EBF1: variants seen among roughly 807,000 people sequenced by gnomAD.
EBF1 encodes the protein transcription factor COE1.
A neutral mutation model predicts 68.4 loss-of-function variants in EBF1; 10 were observed. The ratio of observed to expected loss-of-function variants is 0.15; its 90% CI spans 0.09 to 0.25. EBF1 has a LOEUF of 0.25. Ranked by LOEUF, EBF1 falls within the 10% of genes least tolerant of loss-of-function variation. EBF1 has a pLI of 1.00. For synonymous variants in EBF1, 298 were observed against 299.8 expected (o/e 0.99, Z 0.06); for missense variants, 509 against 794.4 (o/e 0.64, Z 4.32).
intron 11 of EBF1, among the ~76,000 whole-genome samples, chr5:158,723,289 TTAAAA>T (rs1237528370): frequency 6.6e-6 from 1 of 152,174 alleles, no homozygotes; most frequent in Non-Finnish European, 1.5e-5. Flanking sequence ...GCTTTTTTTC[TTAAAA>T]TCTCTTAATT....
At position 159,099,702 on chromosome 5, in the gene EBF1, G is replaced by C; in HGVS notation, c.-224C>G. On this transcript the variant is annotated 5_prime_UTR_variant, in exon 1 of 16. Transcript: ENST00000313708. The stretch of plus-strand genomic sequence containing the variant: ...AAACTGAGCGATAACCCGAAAAAAA[G>C]AAGAAAGGGAAAATCCAACGAAAAG... The C allele has an allele frequency of 3.0e-6, 1 of 336,552 alleles. No homozygotes were observed. Among genetic ancestry groups the C allele is most frequent in the Non-Finnish European group, 5.0e-6 (1 of 201,962 alleles). The allele number at this position is 336,552 out of a possible 1,614,324, so 20.8% of individuals were successfully genotyped here.
At chr5:158,896,824 T>G (rs1045808822) in intron 6 of EBF1, among the ~76,000 whole-genome samples, 2 of 152,178 alleles carry the variant, frequency 1.3e-5, no homozygotes, top group Non-Finnish European at 1.5e-5. Flanking sequence ...CTTTTGATAT[T>G]TCATTTCTCT....
rs1756142881 is a variant in EBF1, at chr5:158,698,678, T to TC, written c.*432_*433insG. On this transcript the variant is annotated 3_prime_UTR_variant, in exon 16 of 16. Coordinates refer to ENST00000313708, the MANE Select transcript of EBF1 (RefSeq NM_024007.5). ...TCCTTTTTTTCTTTTTTTTTTTTTT[T>TC]ACTTTTTTGTAAATATCACCACTTC... The TC allele has an allele frequency of 9.8e-6, 2 of 204,682 alleles. No homozygotes were observed. Among genetic ancestry groups the TC allele is most frequent in the East Asian group, 1.5e-4 (2 of 13,646 alleles). 12.7% of individuals were successfully genotyped at this position (204,682 alleles called of 1,614,324 possible). A position where few individuals can be genotyped will look rare whatever the true frequency, so the allele number is the denominator to read the frequency against.
At chr5:158,931,504 T>C (rs1339718309) in intron 6 of EBF1, among the ~76,000 whole-genome samples, 2 of 152,214 alleles carry the variant, frequency 1.3e-5, no homozygotes, top group Non-Finnish European at 2.9e-5. Flanking sequence ...TCAAAATTTT[T>C]AGTCAGTTCC....
chr5:158,978,134 A>T (rs999797969), intron 6 of EBF1, among the ~76,000 whole-genome samples: 24 of 152,216 alleles, frequency 1.6e-4, no homozygotes, highest in African/African-American at 5.1e-4. Flanking sequence ...AAAATTTTTG[A>T]TGCTTCTCAC....
At chr5:158,839,779 G>A (rs1789746358) in intron 7 of EBF1, among the ~76,000 whole-genome samples, 1 of 152,154 alleles carries the variant, frequency 6.6e-6, no homozygotes, top group African/African-American at 2.4e-5. Context: ...GTTTAGGCAA[G>A]TGAGTCCACT....
chr5:158,925,725 A>G (rs1809554192), intron 6 of EBF1, among the ~76,000 whole-genome samples: 1 of 152,206 alleles, frequency 6.6e-6, no homozygotes. Context: ...TAAACAGGAA[A>G]ACAAACAAAT....
At chr5:159,034,480 A>G (rs914273747) in intron 6 of EBF1, among the ~76,000 whole-genome samples, 5 of 152,182 alleles carry the variant, frequency 3.3e-5, no homozygotes, top group Non-Finnish European at 5.9e-5. Flanking sequence ...AGCGCCTCTC[A>G]ATTCCTCTCT....
At chr5:158,785,958 T>G (rs973565803) in intron 9 of EBF1, among the ~76,000 whole-genome samples, 9 of 152,214 alleles carry the variant, frequency 5.9e-5, no homozygotes, top group Non-Finnish European at 1.2e-4. Flanking sequence ...GTTTTTGCTA[T>G]GTTTCCAGTG....
intron 6 of EBF1, among the ~76,000 whole-genome samples, chr5:158,953,450 G>T (rs1036792532): frequency 1.3e-5 from 2 of 152,186 alleles, no homozygotes; most frequent in Admixed American, 1.3e-4. Context: ...GTCCAGTCCG[G>T]AGAGTTTGGG....
At chr5:158,875,280 GACAA>G (rs1797630013) in intron 6 of EBF1, among the ~76,000 whole-genome samples, 1 of 152,144 alleles carries the variant, frequency 6.6e-6, no homozygotes, top group Non-Finnish European at 1.5e-5. Context: ...GAGGAAGAAG[GACAA>G]ACAATTTTTA....
At chr5:158,989,711 A>G (rs1759875327) in intron 6 of EBF1, among the ~76,000 whole-genome samples, 1 of 152,174 alleles carries the variant, frequency 6.6e-6, no homozygotes, top group East Asian at 1.9e-4. Context: ...CAAGTCTGTA[A>G]GAGGTCAAGT....
rs536567764 is a variant in EBF1 at position 158,699,881 on chromosome 5, G to A, written c.1745-739C>T. On this transcript the variant is annotated intron_variant, in intron 15 of 15. Coordinates refer to ENST00000313708, the MANE Select transcript of EBF1 (RefSeq NM_024007.5). ...CCTGGGAAAAAAGAAGCCTGTTTGA[G>A]GTAACCAAAAATTGTTGAAAGCATT... 4.6e-5 allele frequency among the ~76,000 whole-genome samples: 7 copies of A among 152,328 alleles called. No individual in the cohort carries two copies. The South Asian group carries it at 1.5e-3, about 32-fold the overall frequency.
At chr5:159,095,532 A>G in intron 4 of EBF1, 88 bp downstream of exon 4, 1 of 1,489,752 alleles carries the variant, frequency 6.7e-7, no homozygotes. Context: ...TTAGAGTCCC[A>G]GCCCACCTGC....
At chr5:158,969,102 G>C (rs956630011) in intron 6 of EBF1, among the ~76,000 whole-genome samples, 30 of 152,096 alleles carry the variant, frequency 2.0e-4, no homozygotes, top group African/African-American at 7.2e-4. Context: ...AGGAGTTCGA[G>C]ACCAGCCTGG....
intron 6 of EBF1, among the ~76,000 whole-genome samples, chr5:159,032,326 C>G (rs1769091759): frequency 6.6e-6 from 1 of 152,138 alleles, no homozygotes; most frequent in Non-Finnish European, 1.5e-5. Flanking sequence ...AAGTGGTAGC[C>G]AGGATTCAAA....
At chr5:158,981,056 C>A (rs763326496) in intron 6 of EBF1, among the ~76,000 whole-genome samples, 3 of 151,748 alleles carry the variant, frequency 2.0e-5, no homozygotes, top group Non-Finnish European at 4.4e-5. Context: ...TAAGAGGAAC[C>A]AGCAAAGAAT....
At chr5:158,926,758 A>G (rs994263749) in intron 6 of EBF1, among the ~76,000 whole-genome samples, 4 of 152,014 alleles carry the variant, frequency 2.6e-5, no homozygotes, top group Non-Finnish European at 5.9e-5. Flanking sequence ...AAAAAAGAAA[A>G]AGAAAGAAAG....
intron 10 of EBF1, among the ~76,000 whole-genome samples, chr5:158,768,871 T>C (rs1773314969): frequency 6.6e-6 from 1 of 152,144 alleles, no homozygotes; most frequent in South Asian, 2.1e-4. Flanking sequence ...TTAAAAAAAG[T>C]GAAAACTTGA....
Sources: gnomAD v4.1 joint callset for allele counts (sites outside exome capture counted in the v4.1 genomes callset) on GRCh38, gnomAD v4.1.1 for gene constraint, MANE v1.5 for transcripts, NCBI Gene and HGNC (gene_info 2026-07-23, HGNC 2026-07-21) for gene names.